ING1: variants seen among roughly 807,000 people sequenced by gnomAD.
The protein encoded by ING1 is inhibitor of growth protein 1.
Under a neutral mutation model 23.1 loss-of-function variants are expected in ING1, and 4 were observed. The observed-to-expected ratio is 0.17, with a 90% confidence interval of 0.09 to 0.40. ING1 has a LOEUF of 0.40. Ranked by LOEUF, ING1 falls within the 10% of genes least tolerant of loss-of-function variation. The pLI is 1.00. For synonymous variants in ING1, 179 were observed against 166.4 expected (o/e 1.08, Z -0.58); for missense variants, 256 against 393.8 (o/e 0.65, Z 2.96).
chr13:110,715,754 G>C, intron 1 of ING1: 1 of 1,583,054 alleles, frequency 6.3e-7, no homozygotes, highest in Non-Finnish European at 8.6e-7. Flanking sequence ...GGCTCTCGGG[G>C]TGCGGGGCGA....
chr13:110,713,758 T>C lies in ING1; in HGVS notation c.-392T>C. ...GCCAGCGGAGCGCGCCCCTTCCCGC[T>C]GCCCGCTCCGCTCCTCTCTTCTACC... is the stretch of plus-strand genomic sequence containing the variant. On this transcript the variant is annotated 5_prime_UTR_variant, in exon 1 of 2. Coordinates refer to ENST00000333219, the MANE Select transcript of ING1 (RefSeq NM_198219.3). 5 of 985,108 alleles carry C rather than the reference T, an allele frequency of 5.1e-6. No individual in the cohort carries two copies. The highest frequency in any genetic ancestry group is 6.0e-6 in the Non-Finnish European group (5 of 829,858). The allele number at this position is 985,108 out of a possible 1,614,324, so 61.0% of individuals were successfully genotyped here.
At chr13:110,716,121 G>A in intron 1 of ING1, 1 of 1,166,736 alleles carries the variant, frequency 8.6e-7, no homozygotes, top group Non-Finnish European at 1.1e-6. Flanking sequence ...GCTCCGGACG[G>A]AAGGAAGGCA....
chr13:110,713,061 GC>G, upstream of ING1: 1 of 1,459,486 alleles, frequency 6.9e-7, no homozygotes, highest in South Asian at 1.4e-5. Flanking sequence ...TTCCGCCCGT[GC>G]CCGGCCCTCC....
At chr13:110,715,386 G>T in intron 1 of ING1, 1 of 1,503,024 alleles carries the variant, frequency 6.7e-7, no homozygotes, top group Non-Finnish European at 8.9e-7. Context: ...GAATTTTATA[G>T]GAACTTCATT....
chr13:110,712,692 G>A, upstream of ING1: 10 of 678,828 alleles, frequency 1.5e-5, no homozygotes, highest in Non-Finnish European at 2.7e-5. Context: ...CGGCCGACCG[G>A]GTGTCTGCAT....
At position 110,721,090 on chromosome 13, in the gene ING1, G is replaced by GT. The variant is rs2064168850; in HGVS notation, c.*1159dup. The GT allele has an allele frequency of 6.0e-6, 1 of 166,880 alleles. No individual in the cohort carries two copies. The highest frequency in any genetic ancestry group is 2.4e-5 in the African/African-American group (1 of 41,432). 10.3% of individuals were successfully genotyped at this position (166,880 alleles called of 1,614,324 possible). A position where few individuals can be genotyped will look rare whatever the true frequency, so the allele number is the denominator to read the frequency against. On this transcript the variant is annotated 3_prime_UTR_variant, in exon 2 of 2. Transcript: ENST00000333219. ...GCGGAACACAGCCGTGCTTATGTGCGTATGTATTGTCTGACTGCTTTTGCA... is the reference window on the plus strand; with the variant it reads ...GCGGAACACAGCCGTGCTTATGTGCGTTATGTATTGTCTGACTGCTTTTGCA...
chr13:110,719,621 A>G lies in ING1; in HGVS notation c.529A>G (p.Lys177Glu). Residue 177 changes from lysine (K) to glutamate (E), a missense_variant, in exon 2 of 2, where the codon AAG becomes GAG. Around this residue, in one of 3 missense-constraint regions of ING1, gnomAD observed 209 missense variants for 273.8 expected, o/e 0.76. Coordinates refer to ENST00000333219, the MANE Select transcript of ING1 (RefSeq NM_198219.3). The surrounding 1 kb of genome is among the most constrained non-coding windows in gnomAD (Gnocchi z 8.9). Reference sequence around the variant, plus strand: ...CGACGACGGCGCCTCGGGCACACCCAAGGAGAAGAAGGCCAAGACCTCCAA... The same window carrying G: ...CGACGACGGCGCCTCGGGCACACCCGAGGAGAAGAAGGCCAAGACCTCCAA... The part of the protein sequence containing the change: ...DHDDGASGTP[K>E]EKKAKTSKKK... 6.2e-7 allele frequency: 1 copy of G among 1,612,126 alleles called. No individual in the cohort carries two copies. The highest frequency in any genetic ancestry group is 8.5e-7 in the Non-Finnish European group (1 of 1,179,596).
chr13:110,714,973 A>AAGGGG (rs1175821849), intron 1 of ING1: 8 of 987,694 alleles, frequency 8.1e-6, no homozygotes, highest in Non-Finnish European at 9.6e-6. Flanking sequence ...AAGGGAAGGG[A>AAGGGG]AGGGGAGGAG....
In ING1 at chr13:110,719,946, G is replaced by A; in HGVS notation, c.*14G>A. The A allele has an allele frequency of 6.4e-7, 1 of 1,574,376 alleles. No homozygotes were observed. The highest frequency in any genetic ancestry group is 8.6e-7 in the Non-Finnish European group (1 of 1,161,596). ...TACAACAGGTAGTTTGTGGACAGGC[G>A]CCTGGTGTGAGGAGGACAAAATAAA... On this transcript the variant is annotated 3_prime_UTR_variant, in exon 2 of 2. Coordinates refer to ENST00000333219, the MANE Select transcript of ING1 (RefSeq NM_198219.3). The surrounding 1 kb of genome is among the most constrained non-coding windows in gnomAD (Gnocchi z 8.9).
chr13:110,722,554 G>C lies in ING1; in HGVS notation c.*2622G>C, dbSNP rs2064178537. On this transcript the variant is annotated 3_prime_UTR_variant, in exon 2 of 2. Coordinates refer to ENST00000333219, the MANE Select transcript of ING1 (RefSeq NM_198219.3). ...AGAGGCCAAGCCTTGCAATCTAGGA[G>C]CCCAGCCCTGTCCTTTAAGGGCTTG... 1 of 96,746 alleles carries C rather than the reference G, an allele frequency of 1.0e-5. No individual in the cohort carries two copies. The highest frequency in any genetic ancestry group is 2.9e-5 in the African/African-American group (1 of 34,794). 6.0% of individuals were successfully genotyped at this position (96,746 alleles called of 1,614,324 possible).
At chr13:110,712,871 G>T, upstream of ING1, 1 of 1,342,180 alleles carries the variant, frequency 7.5e-7, no homozygotes, top group Non-Finnish European at 1.0e-6. Context: ...TCTCCAAGCC[G>T]TTCCAAACTG....
Position 110,713,806 on chromosome 13 carries a change from G to C in ING1, c.-344G>C. On this transcript the variant is annotated 5_prime_UTR_variant, in exon 1 of 2. Transcript: ENST00000333219. Reference sequence around the variant, plus strand: ...ACCCAGCCCAGTGGGCGAGTGGGCAGCGGCGGCCGCGGCGCTGGGCCCTCT... The same window carrying C: ...ACCCAGCCCAGTGGGCGAGTGGGCACCGGCGGCCGCGGCGCTGGGCCCTCT... The C allele has an allele frequency of 2.0e-6, 2 of 983,974 alleles. No homozygotes were observed. Among genetic ancestry groups the C allele is most frequent in the Non-Finnish European group, 2.4e-6 (2 of 829,174 alleles). 61.0% of individuals were successfully genotyped at this position (983,974 alleles called of 1,614,324 possible).
At position 110,719,946 on chromosome 13, in the gene ING1, G is replaced by T; in HGVS notation, c.*14G>T. 1 of 1,574,376 alleles carries T rather than the reference G, an allele frequency of 6.4e-7. No individual in the cohort carries two copies. Among genetic ancestry groups the T allele is most frequent in the Non-Finnish European group, 8.6e-7 (1 of 1,161,596 alleles). On this transcript the variant is annotated 3_prime_UTR_variant, in exon 2 of 2. Transcript: ENST00000333219. This position sits in a 1 kb window ranked among gnomAD's most constrained non-coding sequence, Gnocchi z 8.9. ...TACAACAGGTAGTTTGTGGACAGGCGCCTGGTGTGAGGAGGACAAAATAAA... is the reference window on the plus strand; with the variant it reads ...TACAACAGGTAGTTTGTGGACAGGCTCCTGGTGTGAGGAGGACAAAATAAA...
chr13:110,717,359 G>A (rs1189290802), intron 1 of ING1, among the ~76,000 whole-genome samples: 1 of 152,154 alleles, frequency 6.6e-6, no homozygotes, highest in Non-Finnish European at 1.5e-5. Context: ...TTTAGTTTGA[G>A]AATATACTCT....
At position 110,713,920 on chromosome 13, in the gene ING1, G is replaced by A. The variant is rs2064073478; in HGVS notation, c.-230G>A. On this transcript the variant is annotated 5_prime_UTR_variant, in exon 1 of 2. Transcript: ENST00000333219. Reference sequence around the variant, plus strand: ...GCCTGCGCCGCCGGCCGGGGCGTGCGCCCGGGAGCCACCGCCACCGCGGCC... The same window carrying A: ...GCCTGCGCCGCCGGCCGGGGCGTGCACCCGGGAGCCACCGCCACCGCGGCC... The A allele has an allele frequency of 1.0e-5, 10 of 986,050 alleles. No individual in the cohort carries two copies. The highest frequency in any genetic ancestry group is 1.1e-5 in the Non-Finnish European group (9 of 831,536). The allele number at this position is 986,050 out of a possible 1,614,324, so 61.1% of individuals were successfully genotyped here.
rs775313148 is a variant in ING1 at position 110,721,571 on chromosome 13, A to ATTTTTTTTTT, written c.*1651_*1660dup. 1 of 89,108 alleles carries ATTTTTTTTTT rather than the reference A, an allele frequency of 1.1e-5. No homozygotes were observed. The allele number at this position is 89,108 out of a possible 1,614,324, so 5.5% of individuals were successfully genotyped here. The stretch of plus-strand genomic sequence containing the variant: ...GCCACCGTGCCCGGCTGGAGTTTTC[A>ATTTTTTTTTT]TTTTTTTTTTTTTTTTTTTTTCTGA... On this transcript the variant is annotated 3_prime_UTR_variant, in exon 2 of 2. Coordinates refer to ENST00000333219, the MANE Select transcript of ING1 (RefSeq NM_198219.3).
chr13:110,713,855 A>G lies in ING1; in HGVS notation c.-295A>G, dbSNP rs2064071957. 1 of 981,762 alleles carries G rather than the reference A, an allele frequency of 1.0e-6. No individual in the cohort carries two copies. The highest frequency in any genetic ancestry group is 4.7e-5 in the South Asian group (1 of 21,274). 60.8% of individuals were successfully genotyped at this position (981,762 alleles called of 1,614,324 possible). On this transcript the variant is annotated 5_prime_UTR_variant, in exon 1 of 2. Coordinates refer to ENST00000333219, the MANE Select transcript of ING1 (RefSeq NM_198219.3). ...CTCCCGCCGGTGTGTGCGCGCTCGTACGCGCGGCCCCCGGCGCCAGCCCCG... is the reference window on the plus strand; with the variant it reads ...CTCCCGCCGGTGTGTGCGCGCTCGTGCGCGCGGCCCCCGGCGCCAGCCCCG...
intron 1 of ING1, chr13:110,715,926 G>A (rs1486504021): frequency 8.9e-6 from 14 of 1,566,062 alleles, no homozygotes; most frequent in Admixed American, 3.8e-5. Flanking sequence ...ACCGCCTCCC[G>A]CGACCCGCGG....
Position 110,720,481 on chromosome 13 carries a change from C to T in ING1, c.*549C>T, listed in dbSNP as rs1271559492. Reference sequence around the variant, plus strand: ...CAGATATTTTATCTATTGGCCTGTTCCCCAAATGGCCATTTTAAAATGCTT... The same window carrying T: ...CAGATATTTTATCTATTGGCCTGTTTCCCAAATGGCCATTTTAAAATGCTT... On this transcript the variant is annotated 3_prime_UTR_variant, in exon 2 of 2. Transcript: ENST00000333219. 1 of 166,978 alleles carries T rather than the reference C, an allele frequency of 6.0e-6. No homozygotes were observed. Among genetic ancestry groups the T allele is most frequent in the Admixed American group, 6.6e-5 (1 of 15,260 alleles). 10.3% of individuals were successfully genotyped at this position (166,978 alleles called of 1,614,324 possible).
Sources: allele counts gnomAD v4.1 joint callset (sites outside exome capture counted in the v4.1 genomes callset), GRCh38; gene constraint gnomAD v4.1.1; regional missense constraint gnomAD v4.1.1; non-coding constraint Gnocchi (gnomAD v3.1); transcripts MANE v1.5; gene names NCBI Gene and HGNC (gene_info 2026-07-23, HGNC 2026-07-21).